Variants in EBF1 observed in about 807,000 individuals in gnomAD.
EBF1 encodes transcription factor COE1.
EBF1 carries 10 observed loss-of-function variants against 68.4 expected under a neutral mutation model. The observed-to-expected ratio is 0.15, with a 90% confidence interval of 0.09 to 0.25. The LOEUF is 0.25. EBF1 is among the 10% of genes least tolerant of loss of function. The probability of loss-of-function intolerance (pLI) is 1.00; values close to 1 mark genes in which losing one functional copy is unlikely to be tolerated. For synonymous variants in EBF1, 298 were observed against 299.8 expected, an observed-to-expected ratio of 0.99 and a Z score of 0.06; for missense variants, 509 against 794.4, an observed-to-expected ratio of 0.64 and a Z score of 4.32.
At chr5:158,779,243 TC>T (rs1443634520) in intron 9 of EBF1, among the ~76,000 whole-genome samples, 2 of 152,134 alleles carry the variant, frequency 1.3e-5, no homozygotes, top group Non-Finnish European at 2.9e-5. Context: ...CTTTTTTTTT[TC>T]AGGTGAGAAA....
At chr5:158,897,143 A>G (rs1307476198) in intron 6 of EBF1, among the ~76,000 whole-genome samples, 3 of 152,192 alleles carry the variant, frequency 2.0e-5, no homozygotes, top group Non-Finnish European at 1.5e-5. Flanking sequence ...CACTATTCAC[A>G]ATAACAAAGA....
intron 10 of EBF1, among the ~76,000 whole-genome samples, chr5:158,737,017 C>A (rs1377824687): frequency 2.6e-5 from 4 of 152,186 alleles, no homozygotes; most frequent in African/African-American, 9.7e-5. Flanking sequence ...GAGTGATACA[C>A]TTCCTAAGAA....
intron 6 of EBF1, among the ~76,000 whole-genome samples, chr5:158,874,044 T>C (rs532529357): frequency 6.6e-6 from 1 of 152,316 alleles, no homozygotes; most frequent in African/African-American, 2.4e-5. Flanking sequence ...GATTGTTTGT[T>C]AGTGATTTGT....
At chr5:158,962,054 G>T (rs1310173623) in intron 6 of EBF1, among the ~76,000 whole-genome samples, 2 of 152,100 alleles carry the variant, frequency 1.3e-5, no homozygotes, top group East Asian at 3.9e-4. Context: ...AACGCTGAAG[G>T]TTACCAATTG....
chr5:159,057,399 C>CTTATATATATATATAACA (rs1412336875), intron 6 of EBF1, among the ~76,000 whole-genome samples: 1 of 152,194 alleles, frequency 6.6e-6, no homozygotes, highest in Non-Finnish European at 1.5e-5. Flanking sequence ...TGAGCCACCG[C>CTTATATATATATATAACA]GCCTGACGGA....
intron 9 of EBF1, among the ~76,000 whole-genome samples, chr5:158,782,838 G>A (rs935188829): frequency 1.3e-5 from 2 of 152,022 alleles, no homozygotes; most frequent in Non-Finnish European, 1.5e-5. Context: ...TGAGTCTACT[G>A]TTCTTAACCT....
intron 7 of EBF1, among the ~76,000 whole-genome samples, chr5:158,825,177 G>C (rs1178999800): frequency 6.6e-6 from 1 of 152,154 alleles, no homozygotes; most frequent in African/African-American, 2.4e-5. Flanking sequence ...ATGTTTACAG[G>C]TTAATTTAAA....
At chr5:158,788,183 TTAAAGATG>T (rs1777847244) in intron 9 of EBF1, among the ~76,000 whole-genome samples, 1 of 152,090 alleles carries the variant, frequency 6.6e-6, no homozygotes, top group African/African-American at 2.4e-5. Flanking sequence ...ATCAGGATAA[TTAAAGATG>T]GAAAGGTATA....
intron 6 of EBF1, among the ~76,000 whole-genome samples, chr5:159,060,906 C>T (rs1464467188): frequency 1.4e-5 from 2 of 147,980 alleles, no homozygotes; most frequent in Non-Finnish European, 3.0e-5. Flanking sequence ...ATTTTATTTT[C>T]TAGATTTAGA....
intron 6 of EBF1, among the ~76,000 whole-genome samples, chr5:158,850,270 C>A (rs1020826479): frequency 2.0e-5 from 3 of 152,196 alleles, no homozygotes; most frequent in Admixed American, 6.5e-5. Flanking sequence ...TAATGATTTA[C>A]TATTTCTTCA....
chr5:159,076,598 A>G (rs1291349872), intron 5 of EBF1, among the ~76,000 whole-genome samples: 1 of 152,196 alleles, frequency 6.6e-6, no homozygotes, highest in Non-Finnish European at 1.5e-5. Flanking sequence ...GAGAAAAAAG[A>G]ATAAAGGGCT....
chr5:158,774,254 A>G, intron 10 of EBF1, among the ~76,000 whole-genome samples: 1 of 152,050 alleles, frequency 6.6e-6, no homozygotes, highest in Non-Finnish European at 1.5e-5. Context: ...TTACAAGGGG[A>G]GCCAGCTTGC....
At chr5:158,711,120 T>G (rs547608053) in intron 14 of EBF1, among the ~76,000 whole-genome samples, 1 of 152,366 alleles carries the variant, frequency 6.6e-6, no homozygotes, top group Non-Finnish European at 1.5e-5. Flanking sequence ...TCTTTTCCTT[T>G]TTTTTAATCT....
chr5:159,034,565 C>T (rs922916490), intron 6 of EBF1, among the ~76,000 whole-genome samples: 2 of 152,176 alleles, frequency 1.3e-5, no homozygotes, highest in Admixed American at 1.3e-4. Context: ...TGACCCCTGA[C>T]CTGCTTCCAG....
At chr5:158,759,554 G>A (rs1029476807) in intron 10 of EBF1, among the ~76,000 whole-genome samples, 3 of 152,150 alleles carry the variant, frequency 2.0e-5, no homozygotes, top group African/African-American at 7.2e-5. Flanking sequence ...GTGAGCGCTG[G>A]GGAAAGTCCA....
intron 10 of EBF1, among the ~76,000 whole-genome samples, chr5:158,768,780 C>G (rs1265731585): frequency 6.6e-6 from 1 of 152,102 alleles, no homozygotes; most frequent in Non-Finnish European, 1.5e-5. Flanking sequence ...GTTCCACTTC[C>G]TACTCCTATT....
At chr5:158,761,209 A>G (rs1771370515) in intron 10 of EBF1, among the ~76,000 whole-genome samples, 1 of 152,192 alleles carries the variant, frequency 6.6e-6, no homozygotes, top group East Asian at 1.9e-4. Flanking sequence ...CACAAAGGAG[A>G]TAACTCTATG....
At position 158,697,554 on chromosome 5, in the gene EBF1, T is replaced by TTACATAC. The variant is rs1755957072; in HGVS notation, c.*1556_*1557insGTATGTA. 4.8e-6 allele frequency: 1 copy of TTACATAC among 206,322 alleles called. No individual in the cohort carries two copies. Among genetic ancestry groups the TTACATAC allele is most frequent in the African/African-American group, 2.3e-5 (1 of 43,830 alleles). 12.8% of individuals were successfully genotyped at this position (206,322 alleles called of 1,614,324 possible). On this transcript the variant is annotated 3_prime_UTR_variant, in exon 16 of 16. Transcript: ENST00000313708. ...AAAAGCAATGTACAAATTCGAAAGA[T>TTACATAC]AAATACATTATTTATATGGATATTT...
intron 6 of EBF1, among the ~76,000 whole-genome samples, chr5:159,053,399 G>A (rs1035680193): frequency 3.4e-4 from 52 of 152,212 alleles, no homozygotes; most frequent in African/African-American, 1.2e-3. Context: ...CATGCAAAAC[G>A]CCAATGCCAG....
Sources: gnomAD v4.1 joint callset for allele counts (sites outside exome capture counted in the v4.1 genomes callset) on GRCh38, gnomAD v4.1.1 for gene constraint, MANE v1.5 for transcripts, NCBI Gene and HGNC (gene_info 2026-07-23, HGNC 2026-07-21) for gene names.